ALG5: variants seen among roughly 807,000 people sequenced by gnomAD.
The protein encoded by ALG5 is ALG5 dolichyl-phosphate beta-glucosyltransferase.
A neutral mutation model predicts 51.8 loss-of-function variants in ALG5; 26 were observed. That is an observed-to-expected ratio of 0.50 (90% confidence interval 0.37 to 0.70). The LOEUF is 0.70. Ranked by LOEUF, ALG5 falls within the 30% of genes least tolerant of loss-of-function variation. The pLI is 0.00. For missense variants in ALG5, 311 were observed against 399.3 expected, an observed-to-expected ratio of 0.78 and a Z score of 1.88; for synonymous variants, 141 against 136.1, an observed-to-expected ratio of 1.04 and a Z score of -0.25.
chr13:36,990,047 A>T (rs1386980170), intron 4 of ALG5, among the ~76,000 whole-genome samples: 1 of 152,072 alleles, frequency 6.6e-6, no homozygotes, highest in Non-Finnish European at 1.5e-5. Context: ...GAATCTTTTC[A>T]CTCAAATTCC....
intron 6 of ALG5, among the ~76,000 whole-genome samples, chr13:36,974,154 G>A (rs1232184788): frequency 6.6e-6 from 1 of 152,130 alleles, no homozygotes; most frequent in Admixed American, 6.5e-5. Flanking sequence ...ACATTGTTAA[G>A]TAGAAACAAG....
intron 6 of ALG5, among the ~76,000 whole-genome samples, chr13:36,972,940 C>T (rs1386554391): frequency 7.2e-6 from 1 of 139,576 alleles, no homozygotes; most frequent in Non-Finnish European, 1.5e-5. Flanking sequence ...TGCAGTGAGC[C>T]GAGATCACAC....
chr13:36,973,830 G>T (rs1270301036), intron 6 of ALG5, among the ~76,000 whole-genome samples: 2 of 152,176 alleles, frequency 1.3e-5, no homozygotes, highest in Non-Finnish European at 2.9e-5. Flanking sequence ...CAACTGAAAA[G>T]ATCCTCAATT....
chr13:36,995,994 T>C (rs966908801), intron 1 of ALG5, among the ~76,000 whole-genome samples: 14 of 152,294 alleles, frequency 9.2e-5, no homozygotes, highest in African/African-American at 3.4e-4. Context: ...GTCCTATCGC[T>C]ACTTGGAATC....
chr13:36,969,255 C>G (rs1402498155), intron 7 of ALG5, among the ~76,000 whole-genome samples: 1 of 152,002 alleles, frequency 6.6e-6, no homozygotes, highest in Non-Finnish European at 1.5e-5. Flanking sequence ...CCATGAAAAA[C>G]AAAACCAAAA....
In ALG5 at chr13:36,965,664, G is replaced by C; in HGVS notation, c.684C>G (p.Val228=). 4 of 1,613,962 alleles carry C rather than the reference G, an allele frequency of 2.5e-6. No individual in the cohort carries two copies. The highest frequency in any genetic ancestry group is 1.1e-5 in the South Asian group (1 of 91,060). Reference sequence around the variant, plus strand: ...CACACTGTGTGTCCCTGATTCCTTTGACACAAAGGAACCACACCAGAAAGT... The same window carrying C: ...CACACTGTGTGTCCCTGATTCCTTTCACACAAAGGAACCACACCAGAAAGT... ...GFHFLVWFLC[V]KGIRDTQCGF... Residue 228 remains valine, a synonymous_variant, in exon 8 of 10, where the codon GTC becomes GTG. Coordinates refer to ENST00000239891, the MANE Select transcript of ALG5 (RefSeq NM_013338.5).
intron 8 of ALG5, among the ~76,000 whole-genome samples, chr13:36,964,753 C>A (rs923153688): frequency 6.6e-6 from 1 of 152,004 alleles, no homozygotes; most frequent in Non-Finnish European, 1.5e-5. Flanking sequence ...GGTGAAACCT[C>A]ATCTCTACTA....
intron 6 of ALG5, among the ~76,000 whole-genome samples, chr13:36,975,399 T>C (rs2058945932): frequency 6.6e-6 from 1 of 152,232 alleles, no homozygotes; most frequent in South Asian, 2.1e-4. Flanking sequence ...CATGTTCTCC[T>C]GTCCCCTGTA....
At chr13:36,972,106 G>A in intron 6 of ALG5, 70 bp from the exon 7 acceptor site, 1 of 1,189,878 alleles carries the variant, frequency 8.4e-7, no homozygotes, top group East Asian at 2.6e-5. Context: ...TTTTCAATGA[G>A]AATATCTCAT....
In ALG5 at chr13:36,977,888, A is replaced by G. The variant is rs1012172493; in HGVS notation, c.562-5852T>C. Among the ~76,000 whole-genome samples the G allele has an allele frequency of 2.6e-4, 34 of 130,882 alleles. 1 individual carries two copies. Among genetic ancestry groups the G allele is most frequent in the African/African-American group, 9.4e-4 (34 of 36,084 alleles). The allele number at this position is 130,882 out of a possible 152,430, so 85.9% of individuals were successfully genotyped here. A position where few individuals can be genotyped will look rare whatever the true frequency, so the allele number is the denominator to read the frequency against. ...TGCTAAATCAATCAAAATCTTTCTC[A>G]GTATTTTTTTTTTTTTTTAATGGAA... On this transcript the variant is annotated intron_variant, in intron 6 of 9. Transcript: ENST00000239891.
At chr13:36,982,346 T>C (rs554642909) in intron 6 of ALG5, among the ~76,000 whole-genome samples, 21 of 152,362 alleles carry the variant, frequency 1.4e-4, no homozygotes, top group African/African-American at 5.0e-4. Flanking sequence ...TCACTAGAGC[T>C]ATGCAGTAGA....
intron 4 of ALG5, among the ~76,000 whole-genome samples, chr13:36,990,955 G>A (rs948523883): frequency 2.6e-5 from 4 of 152,068 alleles, no homozygotes; most frequent in Admixed American, 2.0e-4. Context: ...AAAGTTATAC[G>A]AGTAGCCTTT....
Position 36,995,522 on chromosome 13 carries a change from TAAG to T in ALG5, c.138_140del (p.Phe46del), listed in dbSNP as rs767335532. 1.2e-6 allele frequency: 2 copies of T among 1,604,038 alleles called. No homozygotes were observed. Among genetic ancestry groups the T allele is most frequent in the South Asian group, 1.1e-5 (1 of 87,904 alleles). ...AAGTTTCTTTCTGGCCTTTGGCATT[TAAG>T]AAGAATTTCTCTTCTTCATGTCGAT... On this transcript the variant is annotated inframe_deletion, in exon 2 of 10. Coordinates refer to ENST00000239891, the MANE Select transcript of ALG5 (RefSeq NM_013338.5).
At chr13:36,958,468 AC>A (rs377137511) in intron 8 of ALG5, among the ~76,000 whole-genome samples, 281 of 152,310 alleles carry the variant, frequency 1.8e-3, no homozygotes, top group African/African-American at 6.3e-3. Flanking sequence ...GCAGTGCATG[AC>A]TAAGATCTAC....
rs1427314663 is a variant in ALG5 at position 36,972,357 on chromosome 13, TTA to T, written c.562-323_562-322del. On this transcript the variant is annotated intron_variant, in intron 6 of 9. Coordinates refer to ENST00000239891, the MANE Select transcript of ALG5 (RefSeq NM_013338.5). ...ATTAGTGGTATGAGAAAGAAAAGGG[TTA>T]TCTGTAGATGACATAATTATATACC... Among the ~76,000 whole-genome samples, 3 of 152,102 alleles carry T rather than the reference TTA, an allele frequency of 2.0e-5. 1 individual carries two copies. The highest frequency in any genetic ancestry group is 2.0e-4 in the Admixed American group (3 of 15,260).
chr13:36,979,942 G>C (rs1346738607), intron 6 of ALG5, among the ~76,000 whole-genome samples: 1 of 152,114 alleles, frequency 6.6e-6, no homozygotes, highest in Non-Finnish European at 1.5e-5. Context: ...AGCTACTCGG[G>C]AGGTTGACAC....
intron 8 of ALG5, 65 bp from the exon 9 acceptor site, chr13:36,952,664 T>C (rs2058823786): frequency 4.2e-6 from 4 of 952,982 alleles, no homozygotes; most frequent in Non-Finnish European, 4.5e-6. Flanking sequence ...CATCTCTACC[T>C]TGGCATGTTT....
intron 8 of ALG5, among the ~76,000 whole-genome samples, chr13:36,955,686 GAAAAAAAAA>G (rs35130767): frequency 1.9e-4 from 7 of 36,494 alleles, no homozygotes; most frequent in Admixed American, 6.7e-4. Flanking sequence ...CAGAGATTGT[GAAAAAAAAA>G]AAAAAAAAAA....
chr13:36,976,452 A>G (rs957588527), intron 6 of ALG5, among the ~76,000 whole-genome samples: 2 of 143,540 alleles, frequency 1.4e-5, no homozygotes, highest in African/African-American at 5.3e-5. Flanking sequence ...AAAAAAAAAG[A>G]AAAGAATTTT....
Sources: allele counts gnomAD v4.1 joint callset (sites outside exome capture counted in the v4.1 genomes callset), GRCh38; gene constraint gnomAD v4.1.1; transcripts MANE v1.5; gene names NCBI Gene and HGNC (gene_info 2026-07-23, HGNC 2026-07-21).